Variants in CFAP141 observed in about 807,000 individuals in gnomAD.
CFAP141 encodes cilia and flagella associated protein 141, also known as cilia- and flagella-associated protein 141.
chr1:154,204,193 T>C, the CFAP141 span, among the ~76,000 whole-genome samples: 1 of 152,298 alleles, frequency 6.6e-6, no homozygotes, highest in East Asian at 1.9e-4. Flanking sequence ...TAAGATAAAT[T>C]CCTATTTTTG....
At chr1:154,206,225 T>C in the CFAP141 span, 2 of 1,569,398 alleles carry the variant, frequency 1.3e-6, no homozygotes, top group African/African-American at 1.3e-5. Context: ...TAAATTGATC[T>C]GGAAACTTCA....
At chr1:154,205,505 A>C in the CFAP141 span, 4 of 1,160,212 alleles carry the variant, frequency 3.4e-6, no homozygotes, top group Non-Finnish European at 5.2e-6. Flanking sequence ...GAGCCCCTAA[A>C]GAGATGCAGC....
chr1:154,203,980 A>C, the CFAP141 span, among the ~76,000 whole-genome samples: 1 of 152,168 alleles, frequency 6.6e-6, no homozygotes, highest in South Asian at 2.1e-4. Context: ...AATCCCAACT[A>C]CTCAGGAGGC....
the CFAP141 span, among the ~76,000 whole-genome samples, chr1:154,203,196 T>TATATGGGCAA: frequency 3.0e-5 from 1 of 33,030 alleles, no homozygotes; most frequent in African/African-American, 1.4e-4. Flanking sequence ...TATATATATA[T>TATATGGGCAA]ATATATATAT....
chr1:154,206,225 T>G, the CFAP141 span: 7 of 1,569,280 alleles, frequency 4.5e-6, no homozygotes, highest in African/African-American at 8.1e-5. Context: ...TAAATTGATC[T>G]GGAAACTTCA....
the CFAP141 span, chr1:154,206,155 C>T: frequency 1.1e-6 from 1 of 935,520 alleles, no homozygotes; most frequent in Non-Finnish European, 1.8e-6. Context: ...ACTCCTGTTA[C>T]TAACTACATT....
chr1:154,205,791 G>A, the CFAP141 span, among the ~76,000 whole-genome samples: 2 of 151,462 alleles, frequency 1.3e-5, no homozygotes, highest in African/African-American at 4.9e-5. Flanking sequence ...CGCAATCTCC[G>A]CCTCCCGGGT....
At chr1:154,200,367 G>T in the CFAP141 span, 1 of 1,339,208 alleles carries the variant, frequency 7.5e-7, no homozygotes. Flanking sequence ...AGATAAATGT[G>T]CAATGACACA....
At chr1:154,201,200 G>T in the CFAP141 span, among the ~76,000 whole-genome samples, 1 of 151,376 alleles carries the variant, frequency 6.6e-6, no homozygotes, top group Admixed American at 6.6e-5. Flanking sequence ...GTGTGATCTC[G>T]GCTCACTGCA....
the CFAP141 span, chr1:154,199,394 G>A: frequency 1.4e-6 from 2 of 1,445,834 alleles, no homozygotes; most frequent in East Asian, 2.3e-5. Flanking sequence ...TAGCAGGCAT[G>A]TTGAGAATGG....
the CFAP141 span, among the ~76,000 whole-genome samples, chr1:154,200,130 C>T: frequency 6.6e-6 from 1 of 152,090 alleles, no homozygotes; most frequent in Non-Finnish European, 1.5e-5. Context: ...CCGTCTTGGC[C>T]CCCCAAAGTG....
chr1:154,202,574 G>A, the CFAP141 span, among the ~76,000 whole-genome samples: 1 of 152,002 alleles, frequency 6.6e-6, no homozygotes, highest in African/African-American at 2.4e-5. Flanking sequence ...GCCCAGGCGG[G>A]CAGATCACGA....
chr1:154,200,548 A>G, the CFAP141 span: 9 of 1,614,098 alleles, frequency 5.6e-6, no homozygotes, highest in East Asian at 2.2e-5. Context: ...CTCTGGCCCA[A>G]TGCCATTTGC....
At chr1:154,201,668 A>G in the CFAP141 span, among the ~76,000 whole-genome samples, 1 of 151,542 alleles carries the variant, frequency 6.6e-6, no homozygotes, top group Admixed American at 6.6e-5. Context: ...GATTACAGGT[A>G]TGAGCCACCG....
At chr1:154,205,667 G>A in the CFAP141 span, 105 of 1,605,992 alleles carry the variant, frequency 6.5e-5, no homozygotes, top group East Asian at 2.3e-3. Flanking sequence ...CTGTTGATCT[G>A]CCTCAGTCTC....
the CFAP141 span, among the ~76,000 whole-genome samples, chr1:154,200,839 T>C: frequency 6.6e-6 from 1 of 151,882 alleles, no homozygotes; most frequent in Non-Finnish European, 1.5e-5. Context: ...CCTGGCACCA[T>C]GCCCAGCTAA....
At chr1:154,202,628 G>A in the CFAP141 span, among the ~76,000 whole-genome samples, 9 of 149,552 alleles carry the variant, frequency 6.0e-5, no homozygotes, top group Non-Finnish European at 1.2e-4. Context: ...GTGAAACCCC[G>A]TCTCTACTAA....
chr1:154,206,215 T>C, the CFAP141 span: 1 of 1,500,870 alleles, frequency 6.7e-7, no homozygotes, highest in Non-Finnish European at 9.3e-7. Flanking sequence ...GCACTTATAG[T>C]AAATTGATCT....
the CFAP141 span, among the ~76,000 whole-genome samples, chr1:154,202,614 C>T: frequency 6.7e-5 from 10 of 149,336 alleles, no homozygotes; most frequent in Non-Finnish European, 1.2e-4. Flanking sequence ...TCCTCACTAA[C>T]ACGGTGAAAC....
Sources: allele counts gnomAD v4.1 joint callset (sites outside exome capture counted in the v4.1 genomes callset), GRCh38; gene constraint gnomAD v4.1.1; transcripts MANE v1.5; gene names NCBI Gene and HGNC (gene_info 2026-07-23, HGNC 2026-07-21).